Variants in CSMD1 observed in about 807,000 individuals in gnomAD.
CSMD1 encodes the protein CUB and Sushi multiple domains 1, also known as CUB and sushi domain-containing protein 1.
CSMD1 carries 213 observed loss-of-function variants against 417.5 expected under a neutral mutation model. That is an observed-to-expected ratio of 0.51 (90% CI 0.46 to 0.57). The LOEUF (loss-of-function observed/expected upper bound fraction) is 0.57, where lower values mean the gene tolerates loss of function less well. Among genes scored for constraint, CSMD1 ranks in the 20% least tolerant of loss-of-function variants. The pLI, the probability that CSMD1 is intolerant of heterozygous loss-of-function variation, is 0.00. For missense variants in CSMD1, 6,923 were observed against 4,529.7 expected (o/e 1.53, Z -15.17); for synonymous variants, 2,862 against 1,736.8 (o/e 1.65, Z -16.11).
At chr8:3,540,578 C>G (rs1329584735) in intron 10 of CSMD1, among the ~76,000 whole-genome samples, 2 of 152,158 alleles carry the variant, frequency 1.3e-5, no homozygotes, top group African/African-American at 4.8e-5. Context: ...AAGAAACTAT[C>G]ATCTGAGTGA....
rs555651968 is a variant in CSMD1, at chr8:3,996,748, T to C, written c.818+1155A>G. The stretch of plus-strand genomic sequence containing the variant: ...AGGTAGAATTTGTTTGGTTTCTTCC[T>C]CCCTCCTATTTGAAATAACATTTAA... On this transcript the variant is annotated intron_variant, in intron 5 of 69. Coordinates refer to ENST00000635120, the MANE Select transcript of CSMD1 (RefSeq NM_033225.6). 6.6e-5 allele frequency among the ~76,000 whole-genome samples: 10 copies of C among 152,314 alleles called. No homozygotes were observed. In the East Asian group the frequency reaches 1.9e-3, roughly 29 times the overall value.
intron 3 of CSMD1, among the ~76,000 whole-genome samples, chr8:4,116,092 G>T (rs1020040565): frequency 6.6e-6 from 1 of 151,810 alleles, no homozygotes; most frequent in Non-Finnish European, 1.5e-5. Flanking sequence ...TCCGCCTCCT[G>T]GGTTCAAGCG....
At chr8:4,280,821 A>T (rs895140767) in intron 3 of CSMD1, among the ~76,000 whole-genome samples, 1 of 152,206 alleles carries the variant, frequency 6.6e-6, no homozygotes. Context: ...AAAATGTATA[A>T]ATTATAAGAC....
intron 1 of CSMD1, among the ~76,000 whole-genome samples, chr8:4,918,985 G>C (rs577610777): frequency 2.0e-5 from 3 of 152,154 alleles, no homozygotes; most frequent in African/African-American, 4.8e-5. Flanking sequence ...TGAGTTGTTT[G>C]GGCACCTAAA....
chr8:4,873,959 A>G (rs554013047), intron 1 of CSMD1, among the ~76,000 whole-genome samples: 3 of 152,274 alleles, frequency 2.0e-5, no homozygotes, highest in African/African-American at 4.8e-5. Flanking sequence ...AACTATTTCA[A>G]GCTATAAATA....
intron 52 of CSMD1, among the ~76,000 whole-genome samples, chr8:3,005,399 G>A (rs1271332281): frequency 1.1e-4 from 16 of 152,236 alleles, no homozygotes; most frequent in African/African-American, 2.6e-4. Flanking sequence ...AGAAAAAGAC[G>A]GAATCCTCCC....
At chr8:3,445,877 T>C (rs959484357) in intron 12 of CSMD1, among the ~76,000 whole-genome samples, 4 of 151,864 alleles carry the variant, frequency 2.6e-5, no homozygotes, top group Non-Finnish European at 5.9e-5. Flanking sequence ...GTTATAGAAA[T>C]AGCAAAAGCG....
At chr8:4,212,340 G>T (rs1191302297) in intron 3 of CSMD1, among the ~76,000 whole-genome samples, 1 of 151,942 alleles carries the variant, frequency 6.6e-6, no homozygotes, top group African/African-American at 2.4e-5. Context: ...GTAACTTGAA[G>T]AAAATCCCAC....
Position 4,039,978 on chromosome 8 carries a change from G to C in CSMD1, c.416-7879C>G, listed in dbSNP as rs766182535. 7.7e-4 allele frequency among the ~76,000 whole-genome samples: 117 copies of C among 152,170 alleles called. 1 individual carries two copies. Among genetic ancestry groups the C allele is most frequent in the African/African-American group, 2.6e-3 (109 of 41,520 alleles). On this transcript the variant is annotated intron_variant, in intron 3 of 69. Transcript: ENST00000635120. ...ATTGTAAAAAGATATCACAAATCAG[G>C]GCACTCGGTACAGGTTAAGTGCCCC...
At chr8:4,549,593 A>G (rs1197086335) in intron 2 of CSMD1, among the ~76,000 whole-genome samples, 2 of 152,092 alleles carry the variant, frequency 1.3e-5, no homozygotes, top group Non-Finnish European at 2.9e-5. Flanking sequence ...TCTTGGATCA[A>G]CAAAGACATG....
At chr8:3,601,979 G>A (rs943753396) in intron 8 of CSMD1, among the ~76,000 whole-genome samples, 1 of 152,102 alleles carries the variant, frequency 6.6e-6, no homozygotes. Flanking sequence ...GTGGCTGTCG[G>A]GAGATGTGGG....
At chr8:4,294,143 A>G (rs1432547874) in intron 3 of CSMD1, among the ~76,000 whole-genome samples, 3 of 152,132 alleles carry the variant, frequency 2.0e-5, no homozygotes, top group East Asian at 1.9e-4. Context: ...CGTCTGATTA[A>G]CCCCGACCAG....
chr8:4,056,589 G>A (rs1481914598), intron 3 of CSMD1, among the ~76,000 whole-genome samples: 2 of 151,710 alleles, frequency 1.3e-5, no homozygotes, highest in African/African-American at 4.8e-5. Context: ...CAATGTGCAG[G>A]TAAGTTACCT....
At chr8:3,480,180 G>A (rs1477081825) in intron 11 of CSMD1, among the ~76,000 whole-genome samples, 4 of 151,952 alleles carry the variant, frequency 2.6e-5, no homozygotes, top group East Asian at 1.9e-4. Flanking sequence ...GCAACACGGT[G>A]AAACCCCATC....
intron 5 of CSMD1, among the ~76,000 whole-genome samples, chr8:3,988,741 C>A (rs770098137): frequency 1.6e-4 from 25 of 152,132 alleles, no homozygotes; most frequent in African/African-American, 6.0e-4. Context: ...ACAAAGTTGA[C>A]GGACATATAC....
chr8:3,469,931 C>T (rs184670899), intron 11 of CSMD1, among the ~76,000 whole-genome samples: 193 of 152,266 alleles, frequency 1.3e-3, no homozygotes, highest in African/African-American at 4.5e-3. Context: ...TTTTCATTTG[C>T]TTGTTTTGTT....
intron 5 of CSMD1, among the ~76,000 whole-genome samples, chr8:3,802,569 G>A (rs1016123081): frequency 3.5e-4 from 53 of 152,228 alleles, no homozygotes; most frequent in African/African-American, 1.2e-3. Flanking sequence ...TAGTTAAGGG[G>A]AGAAATACAG....
chr8:4,223,041 G>C (rs954387353), intron 3 of CSMD1, among the ~76,000 whole-genome samples: 6 of 151,802 alleles, frequency 4.0e-5, no homozygotes, highest in Non-Finnish European at 2.9e-5. Flanking sequence ...CTGACAACAG[G>C]CTTCCTACAT....
intron 57 of CSMD1, among the ~76,000 whole-genome samples, chr8:2,972,378 T>C (rs1297229137): frequency 6.6e-6 from 1 of 152,214 alleles, no homozygotes; most frequent in Non-Finnish European, 1.5e-5. Context: ...TATAACCTTT[T>C]TAGACTGAAA....
Sources: allele counts gnomAD v4.1 joint callset (sites outside exome capture counted in the v4.1 genomes callset), GRCh38; gene constraint gnomAD v4.1.1; transcripts MANE v1.5; gene names NCBI Gene and HGNC (gene_info 2026-07-23, HGNC 2026-07-21).